Variants in ATP5MJ observed in about 807,000 individuals in gnomAD.
ATP5MJ encodes the protein ATP synthase membrane subunit j, also known as ATP synthase F(0) complex subunit j, mitochondrial.
A neutral mutation model predicts 8.3 loss-of-function variants in ATP5MJ; 4 were observed. The ratio of observed to expected loss-of-function variants is 0.48; its 90% CI spans 0.24 to 1.11. The LOEUF (loss-of-function observed/expected upper bound fraction) is 1.11, where lower values mean the gene tolerates loss of function less well. ATP5MJ is among the 50% of genes least tolerant of loss of function. The pLI is 0.18. For synonymous variants in ATP5MJ, 23 were observed against 21.3 expected, an observed-to-expected ratio of 1.08 and a Z score of -0.23; for missense variants, 66 against 71.8, an observed-to-expected ratio of 0.92 and a Z score of 0.29.
intron 3 of ATP5MJ, chr14:103,913,028 T>G: frequency 3.7e-6 from 1 of 268,922 alleles, no homozygotes; most frequent in Non-Finnish European, 7.1e-6. Flanking sequence ...TATAAGGCGC[T>G]TTCTTTCAAA....
chr14:103,913,471 C>T (rs147329780), intron 3 of ATP5MJ: 2,573 of 179,244 alleles, frequency 0.014, 75 homozygotes, highest in African/African-American at 0.057. Context: ...ATTAGCCAGG[C>T]GTGGCGGCAG....
At chr14:103,920,977 C>G in intron 1 of ATP5MJ, 1 of 1,551,662 alleles carries the variant, frequency 6.4e-7, no homozygotes, top group South Asian at 1.2e-5. Flanking sequence ...CCCGCGAGTT[C>G]CATACAATTT....
chr14:103,912,677 C>T lies in ATP5MJ; in HGVS notation c.166G>A (p.Gly56Ser), dbSNP rs145405218. ...CCAAGTAAATCTGGTTAGTGATGAC[C>T]AGGAGCAGGCGCTGAAGCTTTTGAA... ...KALKASAPAP[G>S]HH Residue 56 changes from glycine (G) to serine (S), a missense_variant, in exon 4 of 4, where the codon GGT (glycine) becomes AGT (serine). Gly to Ser is a moderately conservative substitution (Grantham distance 56). Coordinates refer to ENST00000286953, the MANE Select transcript of ATP5MJ (RefSeq NM_004894.3). 6.2e-7 allele frequency: 1 copy of T among 1,613,986 alleles called. No homozygotes were observed.
intron 2 of ATP5MJ, 133 bp downstream of exon 2, chr14:103,914,933 T>C (rs1374237177): frequency 2.2e-5 from 26 of 1,157,944 alleles, no homozygotes; most frequent in Non-Finnish European, 2.9e-5. Context: ...CTGTATTTTT[T>C]ACGAAGGACT....
intron 1 of ATP5MJ, among the ~76,000 whole-genome samples, chr14:103,918,946 C>T (rs937404452): frequency 5.9e-5 from 9 of 151,540 alleles, no homozygotes; most frequent in Non-Finnish European, 8.8e-5. Context: ...GGCGTGAACC[C>T]GGGAGGCGGA....
At chr14:103,916,015 G>T (rs990260651) in intron 1 of ATP5MJ, among the ~76,000 whole-genome samples, 4 of 152,154 alleles carry the variant, frequency 2.6e-5, no homozygotes, top group African/African-American at 9.7e-5. Flanking sequence ...AGCTGAAAAA[G>T]AATATGGCCA....
At chr14:103,915,611 G>A (rs915749239) in intron 1 of ATP5MJ, among the ~76,000 whole-genome samples, 1 of 151,882 alleles carries the variant, frequency 6.6e-6, no homozygotes, top group Non-Finnish European at 1.5e-5. Flanking sequence ...GCCTCCCAAA[G>A]TGCTGAGATT....
intron 1 of ATP5MJ, among the ~76,000 whole-genome samples, chr14:103,915,487 C>T (rs1439927876): frequency 1.3e-5 from 2 of 152,240 alleles, no homozygotes; most frequent in South Asian, 2.1e-4. Flanking sequence ...GCTGGGACTA[C>T]AGATGCGTGC....
At chr14:103,916,355 C>G (rs1023065179) in intron 1 of ATP5MJ, among the ~76,000 whole-genome samples, 3 of 152,158 alleles carry the variant, frequency 2.0e-5, no homozygotes, top group African/African-American at 7.2e-5. Flanking sequence ...TTTTAATATG[C>G]TTTTTAACAT....
chr14:103,914,858 G>GAAAAAAAA lies in ATP5MJ; in HGVS notation c.124+207_124+208insTTTTTTTT, dbSNP rs1314714313. On this transcript the variant is annotated intron_variant, in intron 2 of 3. Coordinates refer to ENST00000286953, the MANE Select transcript of ATP5MJ (RefSeq NM_004894.3). ...TCTCCAAAAAAAAAAAAAAAAAAAAGAAAAGAAAAGAAAAAAAAAATTCCC... is the reference window on the plus strand; with the variant it reads ...TCTCCAAAAAAAAAAAAAAAAAAAAGAAAAAAAAAAAAGAAAAGAAAAAAAAAATTCCC... The GAAAAAAAA allele has an allele frequency of 1.6e-3, 539 of 328,852 alleles. 4 individuals carry two copies. The highest frequency in any genetic ancestry group is 2.9e-3 in the East Asian group (49 of 16,880). The allele number at this position is 328,852 out of a possible 1,614,324, so 20.4% of individuals were successfully genotyped here.
At chr14:103,915,332 CACTCACAGGGG>C in intron 1 of ATP5MJ, 143 bp from the exon 2 acceptor site, 1 of 867,980 alleles carries the variant, frequency 1.2e-6, no homozygotes, top group Non-Finnish European at 1.7e-6. Flanking sequence ...ACCCGTTCTG[CACTCACAGGGG>C]ACTCACACCT....
At chr14:103,918,060 C>A (rs1362774372) in intron 1 of ATP5MJ, 1 of 152,262 alleles carries the variant, frequency 6.6e-6, no homozygotes, top group African/African-American at 2.4e-5. Flanking sequence ...AGTCCGCCCT[C>A]AAATTTCCTG....
intron 1 of ATP5MJ, chr14:103,920,986 T>G (rs2087673191): frequency 1.7e-5 from 27 of 1,551,698 alleles, no homozygotes; most frequent in Non-Finnish European, 2.4e-5. Flanking sequence ...TCCATACAAT[T>G]TCATTCAGCA....
At chr14:103,917,077 G>A (rs2087631527) in intron 1 of ATP5MJ, among the ~76,000 whole-genome samples, 1 of 152,152 alleles carries the variant, frequency 6.6e-6, no homozygotes, top group African/African-American at 2.4e-5. Flanking sequence ...ACAATAAAGG[G>A]TCAGGATATC....
intron 2 of ATP5MJ, 146 bp from the exon 3 acceptor site, chr14:103,914,130 G>A: frequency 4.2e-6 from 3 of 709,474 alleles, no homozygotes; most frequent in South Asian, 4.0e-5. Flanking sequence ...CCAAGAAATG[G>A]TAAAATTCCT....
intron 1 of ATP5MJ, among the ~76,000 whole-genome samples, chr14:103,917,151 G>A (rs539003074): frequency 6.6e-6 from 1 of 152,304 alleles, no homozygotes; most frequent in African/African-American, 2.4e-5. Context: ...AGAGCTGGAA[G>A]GAATAGGGAG....
Position 103,915,141 on chromosome 14 carries a change from A to G in ATP5MJ, c.49T>C (p.Tyr17His). 1 of 1,614,012 alleles carries G rather than the reference A, an allele frequency of 6.2e-7. No individual in the cohort carries two copies. The highest frequency in any genetic ancestry group is 1.7e-5 in the Admixed American group (1 of 60,024). ...CAAATCTCCTGGTAAACTTTGGTGT[A>G]GTAGGGCTTCATGGGGATCCATATG... ...KNIWIPMKPY[Y>H]TKVYQEIWIG... The change falls in exon 2 of 4, where the codon TAC becomes CAC. Residue 17 changes from tyrosine (Y) to histidine (H), a missense_variant. Physicochemically the swap from Tyr to His is moderately conservative, Grantham distance 83. Transcript: ENST00000286953.
chr14:103,920,845 TA>T, intron 1 of ATP5MJ: 1 of 927,590 alleles, frequency 1.1e-6, no homozygotes, highest in Non-Finnish European at 1.7e-6. Flanking sequence ...CCAGACCTTT[TA>T]AAAATCCATC....
chr14:103,913,095 C>T (rs1463087450), intron 3 of ATP5MJ: 1 of 164,638 alleles, frequency 6.1e-6, no homozygotes, highest in African/African-American at 2.4e-5. Context: ...CTTTGGGAGG[C>T]CAAGGCAGGT....
Sources: allele counts gnomAD v4.1 joint callset (sites outside exome capture counted in the v4.1 genomes callset), GRCh38; gene constraint gnomAD v4.1.1; transcripts MANE v1.5; gene names NCBI Gene and HGNC (gene_info 2026-07-23, HGNC 2026-07-21).